Variants in SLC25A21 observed in about 807,000 individuals in gnomAD.
SLC25A21 encodes mitochondrial 2-oxodicarboxylate carrier.
Under a neutral mutation model 43.8 loss-of-function variants are expected in SLC25A21, and 47 were observed. That is an observed-to-expected ratio of 1.07 (90% CI 0.85 to 1.37). SLC25A21 has a LOEUF of 1.37. Ranked by LOEUF, SLC25A21 falls within the 40% of genes most tolerant of loss-of-function variation. The probability of loss-of-function intolerance (pLI) is 0.00; values close to 1 mark genes in which losing one functional copy is unlikely to be tolerated. For missense variants in SLC25A21, 352 were observed against 350.2 expected (o/e 1.00, Z -0.04); for synonymous variants, 131 against 121.3 (o/e 1.08, Z -0.52).
intron 1 of SLC25A21, among the ~76,000 whole-genome samples, chr14:36,966,291 T>C (rs1391850234): frequency 2.6e-5 from 4 of 152,198 alleles, no homozygotes; most frequent in Non-Finnish European, 4.4e-5. Context: ...ATCAACACAG[T>C]GGTCTGTTAC....
intron 2 of SLC25A21, among the ~76,000 whole-genome samples, chr14:36,860,734 G>C (rs1006931466): frequency 6.6e-6 from 1 of 152,098 alleles, no homozygotes; most frequent in African/African-American, 2.4e-5. Flanking sequence ...CAAATACAGA[G>C]ACAAGAAATT....
At position 36,773,628 on chromosome 14, in the gene SLC25A21, T is replaced by C. The variant is rs117523050; in HGVS notation, c.204-39055A>G. ...CAAAAAGCAGCATACTAACAGCAAA[T>C]ATAATAGTAACATTTTCTGAATTAC... On this transcript the variant is annotated intron_variant, in intron 3 of 9. Transcript: ENST00000331299. Among the ~76,000 whole-genome samples, 179 of 152,300 alleles carry C rather than the reference T, an allele frequency of 1.2e-3. 1 individual carries two copies. The East Asian group carries it at 0.027, about 23-fold the overall frequency.
At chr14:36,973,019 A>ATTTATTTAT (rs1959786897) in intron 1 of SLC25A21, among the ~76,000 whole-genome samples, 1 of 128,898 alleles carries the variant, frequency 7.8e-6, no homozygotes, top group Non-Finnish European at 1.5e-5. Context: ...TTATTTATTT[A>ATTTATTTAT]TTTATTTTAT....
chr14:36,882,250 A>T (rs1757042908), intron 1 of SLC25A21, among the ~76,000 whole-genome samples: 1 of 152,024 alleles, frequency 6.6e-6, no homozygotes, highest in African/African-American at 2.4e-5. Context: ...AGGCGTGGTG[A>T]TGTGCACCTG....
chr14:36,906,262 G>C (rs1566728402), intron 1 of SLC25A21, among the ~76,000 whole-genome samples: 1 of 152,014 alleles, frequency 6.6e-6, no homozygotes, highest in Non-Finnish European at 1.5e-5. Flanking sequence ...AGTTGAAAAG[G>C]AATATATGTT....
At chr14:36,760,751 G>C (rs550980814) in intron 3 of SLC25A21, among the ~76,000 whole-genome samples, 2 of 152,266 alleles carry the variant, frequency 1.3e-5, no homozygotes, top group Admixed American at 1.3e-4. Flanking sequence ...TGATGATATG[G>C]AATGCCAGCG....
intron 1 of SLC25A21, among the ~76,000 whole-genome samples, chr14:37,118,795 A>AT (rs989684903): frequency 7.9e-5 from 12 of 151,490 alleles, no homozygotes; most frequent in African/African-American, 1.2e-4. Flanking sequence ...CATTACAATA[A>AT]TTTTTTTTTA....
At chr14:36,849,870 TTTAG>T (rs1475378558) in intron 2 of SLC25A21, among the ~76,000 whole-genome samples, 4 of 152,186 alleles carry the variant, frequency 2.6e-5, no homozygotes, top group African/African-American at 9.7e-5. Context: ...TTTACTTACT[TTTAG>T]TTACTCATTA....
intron 1 of SLC25A21, among the ~76,000 whole-genome samples, chr14:37,074,159 C>T (rs992394379): frequency 2.0e-5 from 3 of 151,794 alleles, no homozygotes; most frequent in Admixed American, 6.6e-5. Flanking sequence ...GAACAAGTAT[C>T]TTCAATCCTT....
chr14:36,890,031 C>T (rs1312441395), intron 1 of SLC25A21, among the ~76,000 whole-genome samples: 1 of 152,090 alleles, frequency 6.6e-6, no homozygotes, highest in East Asian at 1.9e-4. Flanking sequence ...CATAGTGCTT[C>T]CAGCATAGTT....
intron 1 of SLC25A21, among the ~76,000 whole-genome samples, chr14:37,141,178 A>G (rs1196287549): frequency 2.0e-5 from 3 of 152,164 alleles, no homozygotes; most frequent in Non-Finnish European, 4.4e-5. Flanking sequence ...GAACTTAATA[A>G]TTAACACCTT....
rs141124210 is a variant in SLC25A21, at chr14:36,977,156, T to G, written c.71-102152A>C. Among the ~76,000 whole-genome samples, 829 of 152,342 alleles carry G rather than the reference T, an allele frequency of 5.4e-3. 8 individuals are homozygous for G. The highest frequency in any genetic ancestry group is 0.018 in the African/African-American group (731 of 41,576). On this transcript the variant is annotated intron_variant, in intron 1 of 9. Coordinates refer to ENST00000331299, the MANE Select transcript of SLC25A21 (RefSeq NM_030631.4). ...TTTCTAACTTGATCCAATTATTTAT[T>G]CCATCCTCTTTAATTTATTTTTCTG...
chr14:36,747,910 A>G (rs1317475966), intron 3 of SLC25A21, among the ~76,000 whole-genome samples: 1 of 152,212 alleles, frequency 6.6e-6, no homozygotes, highest in East Asian at 1.9e-4. Flanking sequence ...CTCCAAAGGA[A>G]AAGTGTGGTG....
rs546057391 is a variant in SLC25A21, at chr14:36,848,305, T to A, written c.119+26651A>T. Among the ~76,000 whole-genome samples the A allele has an allele frequency of 4.6e-5, 7 of 152,346 alleles. No individual in the cohort carries two copies. The South Asian group carries it at 1.5e-3, about 32-fold the overall frequency. ...CTTTCCAATGGGACAGGCAAAAGAA[T>A]TATACGTTATGTATATTCTCCATAC... On this transcript the variant is annotated intron_variant, in intron 2 of 9. Transcript: ENST00000331299.
At chr14:37,102,242 A>T (rs1193792322) in intron 1 of SLC25A21, among the ~76,000 whole-genome samples, 5 of 152,098 alleles carry the variant, frequency 3.3e-5, no homozygotes, top group African/African-American at 1.2e-4. Context: ...GGAGTTCAAG[A>T]CCAGCCTGGC....
In SLC25A21 at chr14:36,813,911, T is replaced by C. The variant is rs773638686; in HGVS notation, c.203+7A>G. 2 of 1,574,468 alleles carry C rather than the reference T, an allele frequency of 1.3e-6. No homozygotes were observed. Among genetic ancestry groups the C allele is most frequent in the Non-Finnish European group, 8.7e-7 (1 of 1,149,598 alleles). Reference sequence around the variant, plus strand: ...TATTAAAATGGCTATATGAAGAATATACATACCCTTCCATTTGGAAAATCA... The same window carrying C: ...TATTAAAATGGCTATATGAAGAATACACATACCCTTCCATTTGGAAAATCA... On this transcript the variant is annotated splice_region_variant and intron_variant, in intron 3 of 9. Coordinates refer to ENST00000331299, the MANE Select transcript of SLC25A21 (RefSeq NM_030631.4).
chr14:36,849,291 C>CT, intron 2 of SLC25A21, among the ~76,000 whole-genome samples: 1 of 152,038 alleles, frequency 6.6e-6, no homozygotes, highest in East Asian at 1.9e-4. Flanking sequence ...ACGAAGAGGA[C>CT]TTTGGGGGAT....
chr14:36,856,106 A>T (rs1889889788), intron 2 of SLC25A21, among the ~76,000 whole-genome samples: 1 of 152,080 alleles, frequency 6.6e-6, no homozygotes, highest in African/African-American at 2.4e-5. Flanking sequence ...TTTTAGGAGG[A>T]TCTCCATTAC....
At chr14:37,156,440 G>A (rs1022280285) in intron 1 of SLC25A21, among the ~76,000 whole-genome samples, 15 of 151,918 alleles carry the variant, frequency 9.9e-5, no homozygotes, top group Admixed American at 9.2e-4. Flanking sequence ...TAATAATCTT[G>A]AACATAAACA....
Sources: allele counts gnomAD v4.1 joint callset (sites outside exome capture counted in the v4.1 genomes callset), GRCh38; gene constraint gnomAD v4.1.1; transcripts MANE v1.5; gene names NCBI Gene and HGNC (gene_info 2026-07-23, HGNC 2026-07-21).